The following EVI5 variants were observed in gnomAD, a reference collection of about 807,000 sequenced individuals.
EVI5 encodes ecotropic viral integration site 5 protein homolog.
EVI5 carries 73 observed loss-of-function variants against 112.0 expected under a neutral mutation model. The observed-to-expected ratio is 0.65, with a 90% CI of 0.54 to 0.79. The LOEUF is 0.79. EVI5 is among the 30% of genes least tolerant of loss of function. EVI5 has a pLI of 0.00. For synonymous variants in EVI5, 305 were observed against 319.9 expected, an observed-to-expected ratio of 0.95 and a Z score of 0.50; for missense variants, 900 against 968.8, an observed-to-expected ratio of 0.93 and a Z score of 0.94.
At chr1:92,761,187 T>C (rs1681815929) in intron 1 of EVI5, among the ~76,000 whole-genome samples, 1 of 152,078 alleles carries the variant, frequency 6.6e-6, no homozygotes, top group Admixed American at 6.6e-5. Context: ...GTACCTCAAG[T>C]TTCATAGTAA....
rs72964704 is a variant in EVI5, at chr1:92,539,260, C to T, written c.2166+24382G>A. 9.0e-3 allele frequency among the ~76,000 whole-genome samples: 1,372 copies of T among 152,136 alleles called. 18 individuals carry two copies. Among genetic ancestry groups the T allele is most frequent in the African/African-American group, 0.031 (1,288 of 41,500 alleles). ...AAGAAATCTGAAAAAATCTTGAACC[C>T]GGCCGGGCGCAGTGGCTCACGCCTA... is the stretch of plus-strand genomic sequence containing the variant. On this transcript the variant is annotated intron_variant, in intron 19 of 19. Transcript: ENST00000684568.
intron 9 of EVI5, among the ~76,000 whole-genome samples, chr1:92,678,951 A>C (rs1458777278): frequency 1.3e-5 from 2 of 152,142 alleles, no homozygotes; most frequent in African/African-American, 4.8e-5. Context: ...TCTGTCTCTC[A>C]CTAAAGTGTA....
intron 16 of EVI5, among the ~76,000 whole-genome samples, chr1:92,609,441 T>C (rs1169571610): frequency 5.4e-5 from 8 of 149,222 alleles, no homozygotes; most frequent in Admixed American, 4.7e-4. Context: ...CACTGCAACC[T>C]CCACCTCCTG....
chr1:92,572,177 T>C (rs1166503067), intron 18 of EVI5, among the ~76,000 whole-genome samples: 2 of 152,138 alleles, frequency 1.3e-5, no homozygotes, highest in African/African-American at 2.4e-5. Flanking sequence ...CTTAATCAAA[T>C]GGTCATCAAT....
intron 1 of EVI5, among the ~76,000 whole-genome samples, chr1:92,767,473 A>C (rs1315434000): frequency 1.3e-5 from 2 of 152,228 alleles, no homozygotes; most frequent in East Asian, 3.8e-4. Flanking sequence ...TCCCGAGGAT[A>C]AGGGGGAACT....
intron 6 of EVI5, 28 bp downstream of exon 6, chr1:92,697,832 T>C: frequency 6.3e-7 from 1 of 1,582,084 alleles, no homozygotes; most frequent in Non-Finnish European, 8.6e-7. Flanking sequence ...AAAGGCAATA[T>C]GCCTTTTTAT....
At chr1:92,785,969 C>T (rs1033254572), upstream of EVI5, among the ~76,000 whole-genome samples, 12 of 151,614 alleles carry the variant, frequency 7.9e-5, no homozygotes, top group Non-Finnish European at 1.5e-4. Flanking sequence ...GCCTGTACTC[C>T]CAGCCAAGCT....
At chr1:92,643,956 G>C (rs185184123) in intron 13 of EVI5, among the ~76,000 whole-genome samples, 4 of 152,130 alleles carry the variant, frequency 2.6e-5, no homozygotes, top group Admixed American at 2.6e-4. Flanking sequence ...AATAAATGTA[G>C]AAAAATGAGA....
chr1:92,639,517 T>C (rs1659541739), intron 13 of EVI5, among the ~76,000 whole-genome samples: 1 of 152,164 alleles, frequency 6.6e-6, no homozygotes, highest in South Asian at 2.1e-4. Flanking sequence ...GAAAAAGGGT[T>C]GTCCATGCAA....
chr1:92,670,555 A>G (rs1008538278), intron 10 of EVI5, among the ~76,000 whole-genome samples: 1 of 152,176 alleles, frequency 6.6e-6, no homozygotes, highest in African/African-American at 2.4e-5. Context: ...CTATCTGACA[A>G]TTTTGAGTCT....
chr1:92,769,697 A>G (rs1399896473), intron 1 of EVI5, among the ~76,000 whole-genome samples: 2 of 152,184 alleles, frequency 1.3e-5, no homozygotes, highest in Non-Finnish European at 2.9e-5. Context: ...CCTGGGTAAC[A>G]TGGTGAAACC....
Position 92,747,074 on chromosome 1 carries a change from C to T in EVI5, c.-81-10447G>A, listed in dbSNP as rs184172999. On this transcript the variant is annotated intron_variant, in intron 1 of 19. Coordinates refer to ENST00000684568, the MANE Select transcript of EVI5 (RefSeq NM_001350197.2). ...CTATATAGTCCACAGGTTCCACATCCGCAGGTTCTGAACCAACCATGCATC... is the reference window on the plus strand; with the variant it reads ...CTATATAGTCCACAGGTTCCACATCTGCAGGTTCTGAACCAACCATGCATC... 5.7e-4 allele frequency among the ~76,000 whole-genome samples: 86 copies of T among 152,078 alleles called. 1 individual carries two copies. Among genetic ancestry groups the T allele is most frequent in the African/African-American group, 7.0e-4 (29 of 41,490 alleles).
At chr1:92,738,945 A>C (rs1458966058) in intron 1 of EVI5, among the ~76,000 whole-genome samples, 1 of 152,102 alleles carries the variant, frequency 6.6e-6, no homozygotes, top group Non-Finnish European at 1.5e-5. Context: ...GTTCCTGTCT[A>C]TCTCATAGAG....
intron 10 of EVI5, among the ~76,000 whole-genome samples, chr1:92,670,654 C>T (rs1665717761): frequency 6.6e-6 from 1 of 152,110 alleles, no homozygotes; most frequent in Admixed American, 6.5e-5. Context: ...TGGTTCTTAG[C>T]AATAATAATG....
At chr1:92,705,456 G>C (rs1212067126) in intron 2 of EVI5, among the ~76,000 whole-genome samples, 1 of 152,162 alleles carries the variant, frequency 6.6e-6, no homozygotes, top group East Asian at 1.9e-4. Flanking sequence ...TTCAAATGCA[G>C]AAGGACTTTA....
chr1:92,757,419 T>C (rs1570796481), intron 1 of EVI5, among the ~76,000 whole-genome samples: 2 of 152,172 alleles, frequency 1.3e-5, no homozygotes, highest in East Asian at 1.9e-4. Flanking sequence ...TTCTACAGTT[T>C]TGAGTTTTAT....
intron 9 of EVI5, among the ~76,000 whole-genome samples, chr1:92,683,877 A>G (rs1317978569): frequency 1.3e-5 from 2 of 152,238 alleles, no homozygotes; most frequent in African/African-American, 4.8e-5. Flanking sequence ...AAATGAACAA[A>G]GACTCCAAGA....
At chr1:92,598,637 A>G (rs1282444519) in intron 18 of EVI5, among the ~76,000 whole-genome samples, 4 of 152,172 alleles carry the variant, frequency 2.6e-5, no homozygotes, top group Non-Finnish European at 5.9e-5. Flanking sequence ...TATGTGATAG[A>G]ACCTTAGAGT....
At chr1:92,731,841 A>G (rs188702494) in intron 2 of EVI5, among the ~76,000 whole-genome samples, 2 of 152,342 alleles carry the variant, frequency 1.3e-5, no homozygotes, top group Admixed American at 1.3e-4. Flanking sequence ...AGATGTCCAT[A>G]TTCAAAAAAT....
Sources: gnomAD v4.1 joint callset for allele counts (sites outside exome capture counted in the v4.1 genomes callset) on GRCh38, gnomAD v4.1.1 for gene constraint, MANE v1.5 for transcripts, NCBI Gene and HGNC (gene_info 2026-07-23, HGNC 2026-07-21) for gene names.